Variants in ARID5B observed in about 807,000 individuals in gnomAD.
ARID5B encodes AT-rich interaction domain 5B.
ARID5B carries 13 observed loss-of-function variants against 97.2 expected under a neutral mutation model. That is an observed-to-expected ratio of 0.13 (90% confidence interval 0.09 to 0.21). ARID5B has a LOEUF of 0.21. Ranked by LOEUF, ARID5B falls within the 10% of genes least tolerant of loss-of-function variation. The pLI, the probability that ARID5B is intolerant of heterozygous loss-of-function variation, is 1.00. For missense variants in ARID5B, 1,210 were observed against 1,465.3 expected (o/e 0.83, Z 2.84); for synonymous variants, 556 against 570.3 (o/e 0.97, Z 0.36).
intron 3 of ARID5B, among the ~76,000 whole-genome samples, chr10:61,944,584 T>C (rs1844470817): frequency 1.3e-5 from 2 of 152,232 alleles, no homozygotes. Flanking sequence ...GTATGAAAGC[T>C]GCAGTGTAAG....
At chr10:62,085,526 T>G (rs184740162) in intron 8 of ARID5B, among the ~76,000 whole-genome samples, 176 bp from the exon 9 acceptor site, 185 of 152,354 alleles carry the variant, frequency 1.2e-3, no homozygotes, top group African/African-American at 4.1e-3. Flanking sequence ...GTACTGATTT[T>G]GACCAAGGAA....
intron 3 of ARID5B, among the ~76,000 whole-genome samples, chr10:61,947,370 G>A (rs970557816): frequency 3.4e-4 from 50 of 148,772 alleles, no homozygotes; most frequent in African/African-American, 1.2e-3. Context: ...CTGGGTTCAA[G>A]CAATTCTCCT....
At chr10:62,002,730 A>G (rs1408857136) in intron 4 of ARID5B, among the ~76,000 whole-genome samples, 1 of 152,238 alleles carries the variant, frequency 6.6e-6, no homozygotes, top group Non-Finnish European at 1.5e-5. Context: ...AAATTTAATT[A>G]GTGACTAGCA....
intron 3 of ARID5B, among the ~76,000 whole-genome samples, chr10:61,978,622 A>G (rs1838733870): frequency 1.3e-5 from 2 of 152,152 alleles, no homozygotes; most frequent in African/African-American, 2.4e-5. Context: ...CTTTGAAGCA[A>G]TTGTGAATGG....
At chr10:61,970,373 G>C (rs1291767462) in intron 3 of ARID5B, among the ~76,000 whole-genome samples, 1 of 152,206 alleles carries the variant, frequency 6.6e-6, no homozygotes, top group Admixed American at 6.5e-5. Flanking sequence ...AATTCCAGTT[G>C]GGTAACACTG....
At chr10:61,997,696 G>A (rs1477063465) in intron 3 of ARID5B, among the ~76,000 whole-genome samples, 1 of 152,152 alleles carries the variant, frequency 6.6e-6, no homozygotes, top group Non-Finnish European at 1.5e-5. Flanking sequence ...GGCACTTAAT[G>A]GTTATATGCC....
At chr10:61,975,087 T>C (rs1838681243) in intron 3 of ARID5B, among the ~76,000 whole-genome samples, 1 of 152,112 alleles carries the variant, frequency 6.6e-6, no homozygotes, top group East Asian at 1.9e-4. Flanking sequence ...AACAACATTT[T>C]TGAGTTATTA....
At chr10:61,992,056 G>A (rs1433644529) in intron 3 of ARID5B, among the ~76,000 whole-genome samples, 1 of 151,934 alleles carries the variant, frequency 6.6e-6, no homozygotes, top group Non-Finnish European at 1.5e-5. Flanking sequence ...GTGAATGGCT[G>A]ACTCTAGCCA....
At chr10:61,969,419 C>CTT (rs199926786) in intron 3 of ARID5B, among the ~76,000 whole-genome samples, 1 of 148,844 alleles carries the variant, frequency 6.7e-6, no homozygotes, top group African/African-American at 2.5e-5. Context: ...CACTGTTATC[C>CTT]TTTTTTTTTT....
intron 2 of ARID5B, among the ~76,000 whole-genome samples, chr10:61,908,172 C>G (rs1176860617): frequency 6.6e-6 from 1 of 152,084 alleles, no homozygotes; most frequent in Admixed American, 6.5e-5. Flanking sequence ...GAAACTTTAG[C>G]CAATATTAGT....
rs149910031 is a variant in ARID5B, at chr10:61,993,982, A to C, written c.503-6109A>C. On this transcript the variant is annotated intron_variant, in intron 3 of 9. Coordinates refer to ENST00000279873, the MANE Select transcript of ARID5B (RefSeq NM_032199.3). Reference sequence around the variant, plus strand: ...GCACATTCATATTTCCTTTAAAAAAAAAAGGAGAAAGAAAACTGTATGTTG... The same window carrying C: ...GCACATTCATATTTCCTTTAAAAAACAAAGGAGAAAGAAAACTGTATGTTG... Among the ~76,000 whole-genome samples, 101 of 152,334 alleles carry C rather than the reference A, an allele frequency of 6.6e-4. 2 individuals carry two copies. The East Asian group carries it at 0.018, about 27-fold the overall frequency.
intron 3 of ARID5B, among the ~76,000 whole-genome samples, chr10:61,951,998 C>T (rs1463160461): frequency 6.6e-6 from 1 of 152,000 alleles, no homozygotes; most frequent in Non-Finnish European, 1.5e-5. Context: ...CTTTATAAAA[C>T]TCTTGTAGTT....
intron 4 of ARID5B, among the ~76,000 whole-genome samples, chr10:62,030,216 G>A (rs1160088435): frequency 2.0e-5 from 3 of 151,334 alleles, no homozygotes; most frequent in East Asian, 1.9e-4. Context: ...GGCAACTTCC[G>A]CCTCCTGGGT....
chr10:61,980,093 C>CA (rs372578954), intron 3 of ARID5B, among the ~76,000 whole-genome samples: 6,658 of 144,044 alleles, frequency 0.046, 483 homozygotes, highest in African/African-American at 0.16. Flanking sequence ...GACTCTGTCT[C>CA]AAAAAAATAA....
At chr10:62,081,726 G>T (rs1157272470) in intron 8 of ARID5B, among the ~76,000 whole-genome samples, 1 of 152,186 alleles carries the variant, frequency 6.6e-6, no homozygotes, top group Non-Finnish European at 1.5e-5. Context: ...GAAAGAGTTG[G>T]CAGGTTGCCA....
At chr10:62,006,051 A>G (rs2132873999) in intron 4 of ARID5B, among the ~76,000 whole-genome samples, 1 of 152,242 alleles carries the variant, frequency 6.6e-6, no homozygotes. Flanking sequence ...CTTCTTGTAT[A>G]TTGCTGTTTA....
At chr10:62,071,557 A>AC (rs1840065117) in intron 8 of ARID5B, among the ~76,000 whole-genome samples, 1 of 4,554 alleles carries the variant, frequency 2.2e-4, no homozygotes, top group Non-Finnish European at 5.4e-4. Context: ...CACATGGTAA[A>AC]AAAAAAAAAA....
chr10:61,937,360 T>C (rs1844323444), intron 2 of ARID5B, among the ~76,000 whole-genome samples: 1 of 152,198 alleles, frequency 6.6e-6, no homozygotes, highest in Admixed American at 6.5e-5. Flanking sequence ...ATGGGCTGAC[T>C]GGTTTGTGAC....
chr10:62,001,047 A>G (rs903445812), intron 4 of ARID5B, among the ~76,000 whole-genome samples: 2 of 152,222 alleles, frequency 1.3e-5, no homozygotes, highest in Non-Finnish European at 2.9e-5. Flanking sequence ...AGAAGAAGAT[A>G]TCACATCACC....
Sources: gnomAD v4.1 joint callset for allele counts (sites outside exome capture counted in the v4.1 genomes callset) on GRCh38, gnomAD v4.1.1 for gene constraint, MANE v1.5 for transcripts, NCBI Gene and HGNC (gene_info 2026-07-23, HGNC 2026-07-21) for gene names.